EPHA10: variants seen among roughly 807,000 people sequenced by gnomAD.
EPHA10 encodes the protein EPH receptor A10.
In EPHA10, 120 loss-of-function variants were observed where a neutral mutation model predicts 109.7. That is an observed-to-expected ratio of 1.09 (90% CI 0.94 to 1.27). The LOEUF (loss-of-function observed/expected upper bound fraction) is 1.27, where lower values mean the gene tolerates loss of function less well. Among genes scored for constraint, EPHA10 ranks in the 50% most tolerant of loss-of-function variants. The probability of loss-of-function intolerance (pLI) is 0.00; values close to 1 mark genes in which losing one functional copy is unlikely to be tolerated. For synonymous variants in EPHA10, 640 were observed against 618.9 expected, an observed-to-expected ratio of 1.03 and a Z score of -0.51; for missense variants, 1,396 against 1,411.1, an observed-to-expected ratio of 0.99 and a Z score of 0.17.
At position 37,727,169 on chromosome 1, in the gene EPHA10, TGAC is replaced by T; in HGVS notation, c.1702_1704del (p.Val568del). ...AGGAGGGCCGAGATGGTCACTACGG[TGAC>T]GACAATGGCGGGGCTCTGGTCCCTG... On this transcript the variant is annotated inframe_deletion, in exon 8 of 17. Coordinates refer to ENST00000373048, the MANE Select transcript of EPHA10 (RefSeq NM_001099439.2). 6.2e-7 allele frequency: 1 copy of T among 1,612,256 alleles called. No homozygotes were observed.
At chr1:37,740,691 C>T (rs12239880) in intron 5 of EPHA10, among the ~76,000 whole-genome samples, 2,790 of 151,872 alleles carry the variant, frequency 0.018, 77 homozygotes, top group African/African-American at 0.064. Context: ...AGATGAACAG[C>T]AGCATACACA....
chr1:37,723,289 C>G (rs1645832214), intron 9 of EPHA10, 22 bp downstream of exon 9: 1 of 1,612,944 alleles, frequency 6.2e-7, no homozygotes, highest in Non-Finnish European at 8.5e-7. Context: ...CGCCCCTCCC[C>G]AGCCAGGCCC....
In EPHA10 at chr1:37,718,423, G is replaced by A. The variant is rs373370323; in HGVS notation, c.2976C>T (p.Ser992=). 4.0e-5 allele frequency: 64 copies of A among 1,613,338 alleles called. No homozygotes were observed. The highest frequency in any genetic ancestry group is 1.9e-4 in the South Asian group (17 of 91,080). The part of the protein sequence containing the change: ...EHREALLSGI[S]ALQARVLQLQ... Reference sequence around the variant, plus strand: ...GCTGGAGCACTCGTGCCTGCAGGGCGCTGATCCCGCTGAGGAGGGCCTCTC... The same window carrying A: ...GCTGGAGCACTCGTGCCTGCAGGGCACTGATCCCGCTGAGGAGGGCCTCTC... The change falls in exon 17 of 17, where the codon AGC becomes AGT. Residue 992 remains serine, a synonymous_variant. Coordinates refer to ENST00000373048, the MANE Select transcript of EPHA10 (RefSeq NM_001099439.2).
chr1:37,720,350 C>A lies in EPHA10; in HGVS notation c.2412+1G>T, dbSNP rs755780922. On this transcript the variant is annotated splice_donor_variant, in intron 13 of 16. Coordinates refer to ENST00000373048, the MANE Select transcript of EPHA10 (RefSeq NM_001099439.2). LOFTEE classifies it high-confidence loss of function. Reference sequence around the variant, plus strand: ...GCAGGCTTGGCTGGGGGCGCCCTCACCATAGTGGTGTAGACAGCCTCTGAT... The same window carrying A: ...GCAGGCTTGGCTGGGGGCGCCCTCAACATAGTGGTGTAGACAGCCTCTGAT... 5.6e-6 allele frequency: 9 copies of A among 1,601,644 alleles called. No individual in the cohort carries two copies. The African/African-American group carries it at 8.0e-5, about 14-fold the overall frequency.
Position 37,753,096 on chromosome 1 carries a change from G to A in EPHA10, c.1137C>T (p.Arg379=). The A allele has an allele frequency of 2.9e-6, 4 of 1,357,526 alleles. No homozygotes were observed. The highest frequency in any genetic ancestry group is 3.8e-6 in the Non-Finnish European group (4 of 1,053,234). The allele number at this position is 1,357,526 out of a possible 1,614,324, so 84.1% of individuals were successfully genotyped here. ...SDVTYSLLCL[R]CGREGPAGAC... ...CGCCCGCCGGGCCCTCGCGGCCGCA[G>A]CGCAGGCACAGCAGCGAGTAGGTGA... The change falls in exon 5 of 17, where the codon CGC becomes CGT. Residue 379 remains arginine, a synonymous_variant. Coordinates refer to ENST00000373048, the MANE Select transcript of EPHA10 (RefSeq NM_001099439.2).
In EPHA10 at chr1:37,721,652, G is replaced by C; in HGVS notation, c.2146+8C>G. The C allele has an allele frequency of 1.3e-6, 2 of 1,597,974 alleles. No homozygotes were observed. Among genetic ancestry groups the C allele is most frequent in the Non-Finnish European group, 1.7e-6 (2 of 1,171,090 alleles). ...GCTGGGCAGCAGGAAGGGAGCACCGGGCCCTACCTCGGGTAACAACGCCCT... is the reference window on the plus strand; with the variant it reads ...GCTGGGCAGCAGGAAGGGAGCACCGCGCCCTACCTCGGGTAACAACGCCCT... On this transcript the variant is annotated splice_region_variant and intron_variant, in intron 11 of 16. Transcript: ENST00000373048.
intron 14 of EPHA10, 92 bp from the exon 15 acceptor site, chr1:37,719,699 CACACACACACACATGCGCACACACAG>C (rs1318424790): frequency 8.7e-7 from 1 of 1,145,824 alleles, no homozygotes; most frequent in African/African-American, 1.6e-5. Flanking sequence ...CAGACACAGA[CACACACACACACATGCGCACACACAG>C]ACACAGACAC....
downstream of EPHA10, chr1:37,714,934 G>A (rs1423667109): frequency 1.3e-5 from 2 of 152,222 alleles, no homozygotes; most frequent in African/African-American, 4.8e-5. Context: ...CTGAGGTGCT[G>A]TGTTACAGTA....
At position 37,761,607 on chromosome 1, in the gene EPHA10, C is replaced by A; in HGVS notation, c.648G>T (p.Arg216=). The A allele has an allele frequency of 6.2e-7, 1 of 1,602,780 alleles. No individual in the cohort carries two copies. ...CGGTGGCTGGGAACGTGGCCAGGCC[C>A]CGCACGGTGGCGCGGCACTGCTTGT... ...VYYKQCRATV[R]GLATFPATAA... is the part of the protein sequence containing the mutation. Residue 216 remains arginine, a synonymous_variant, in exon 3 of 17, where the codon CGG becomes CGT. Coordinates refer to ENST00000373048, the MANE Select transcript of EPHA10 (RefSeq NM_001099439.2).
At chr1:37,722,935 G>A in intron 10 of EPHA10, 106 bp downstream of exon 10, 2 of 1,546,752 alleles carry the variant, frequency 1.3e-6, no homozygotes, top group Non-Finnish European at 8.9e-7. Flanking sequence ...CAGAGACCTG[G>A]GTGGAGGTGG....
At chr1:37,714,352 T>G (rs1047166292), downstream of EPHA10, among the ~76,000 whole-genome samples, 4 of 152,208 alleles carry the variant, frequency 2.6e-5, no homozygotes, top group South Asian at 2.1e-4. Context: ...CGTGTGTCCA[T>G]GAGTACATAT....
chr1:37,729,683 C>T (rs143707204), intron 7 of EPHA10, among the ~76,000 whole-genome samples: 190 of 152,196 alleles, frequency 1.2e-3, no homozygotes, highest in African/African-American at 3.7e-3. Flanking sequence ...AGTTCGAAAC[C>T]AGCCTGAGCA....
intron 5 of EPHA10, among the ~76,000 whole-genome samples, chr1:37,746,648 A>G (rs1398619087): frequency 6.6e-6 from 1 of 152,190 alleles, no homozygotes; most frequent in Non-Finnish European, 1.5e-5. Flanking sequence ...ATATTCATTA[A>G]TGTATTATGA....
intron 5 of EPHA10, 37 bp downstream of exon 5, chr1:37,752,839 G>A: frequency 8.2e-7 from 1 of 1,225,928 alleles, no homozygotes; most frequent in Non-Finnish European, 1.0e-6. Context: ...GGCGGCAGGC[G>A]CGGTGGCCTC....
chr1:37,758,500 C>A (rs1191951168), intron 3 of EPHA10, among the ~76,000 whole-genome samples: 1 of 152,202 alleles, frequency 6.6e-6, no homozygotes, highest in East Asian at 1.9e-4. Context: ...AGGCCACCAA[C>A]TGGGCACTTT....
chr1:37,719,728 A>G, intron 14 of EPHA10, 121 bp from the exon 15 acceptor site: 1 of 1,392,004 alleles, frequency 7.2e-7, no homozygotes. Context: ...ACACACAGAC[A>G]CAGACACACA....
Position 37,720,446 on chromosome 1 carries a change from C to A in EPHA10, c.2317G>T (p.Ala773Ser), listed in dbSNP as rs763058915. ...TCGCTGCTGACCAGCACATGGCGAG[C>A]TGCCAGGCCCCGGTGAACGTAGCCC... ...EMGYVHRGLA[A>S]RHVLVSSDLV... Residue 773 changes from alanine to serine, a missense_variant, in exon 13 of 17, where the codon GCT (alanine) becomes TCT (serine). Coordinates refer to ENST00000373048, the MANE Select transcript of EPHA10 (RefSeq NM_001099439.2). 1.2e-6 allele frequency: 2 copies of A among 1,613,616 alleles called. No homozygotes were observed. The highest frequency in any genetic ancestry group is 1.7e-6 in the Non-Finnish European group (2 of 1,180,012).
intron 5 of EPHA10, chr1:37,738,046 A>T (rs1231859772): frequency 6.7e-6 from 1 of 148,860 alleles, no homozygotes; most frequent in Non-Finnish European, 1.5e-5. Context: ...TACTGCACTC[A>T]GACCAGCTTG....
chr1:37,743,541 A>G (rs1646186419), intron 5 of EPHA10, among the ~76,000 whole-genome samples: 1 of 152,282 alleles, frequency 6.6e-6, no homozygotes, highest in Admixed American at 6.5e-5. Context: ...TGGAACATCA[A>G]GTAAAAAATA....
Sources: allele counts gnomAD v4.1 joint callset (sites outside exome capture counted in the v4.1 genomes callset), GRCh38; gene constraint gnomAD v4.1.1; transcripts MANE v1.5; gene names NCBI Gene and HGNC (gene_info 2026-07-23, HGNC 2026-07-21).